Variants in CFAP299 observed in about 807,000 individuals in gnomAD.
The protein encoded by CFAP299 is cilia and flagella associated protein 299.
Under a neutral mutation model 27.0 loss-of-function variants are expected in CFAP299, and 21 were observed. The observed-to-expected ratio is 0.78, with a 90% CI of 0.55 to 1.12. The LOEUF (loss-of-function observed/expected upper bound fraction) is 1.12. Ranked by LOEUF, CFAP299 falls within the 50% of genes most tolerant of loss-of-function variation. CFAP299 has a pLI of 0.00. For synonymous variants in CFAP299, 104 were observed against 98.1 expected (o/e 1.06, Z -0.36); for missense variants, 310 against 276.6 (o/e 1.12, Z -0.86).
chr4:80,800,350 A>T (rs1284279752), intron 3 of CFAP299, among the ~76,000 whole-genome samples: 1 of 71,914 alleles, frequency 1.4e-5, no homozygotes, highest in African/African-American at 6.2e-5. Flanking sequence ...AATATATAAT[A>T]TATATGATAT....
At chr4:80,809,209 T>G (rs1446675560) in intron 3 of CFAP299, among the ~76,000 whole-genome samples, 2 of 152,168 alleles carry the variant, frequency 1.3e-5, no homozygotes, top group African/African-American at 4.8e-5. Context: ...TGCAGGCTAC[T>G]CCTACTTTAC....
At chr4:80,559,440 C>T (rs1192532715) in intron 2 of CFAP299, among the ~76,000 whole-genome samples, 1 of 152,126 alleles carries the variant, frequency 6.6e-6, no homozygotes, top group East Asian at 1.9e-4. Flanking sequence ...TAAGGCTTCA[C>T]CCATAGTCTC....
At chr4:80,441,196 T>A (rs917244426) in intron 2 of CFAP299, among the ~76,000 whole-genome samples, 1 of 152,084 alleles carries the variant, frequency 6.6e-6, no homozygotes, top group Non-Finnish European at 1.5e-5. Flanking sequence ...ATTTAGGAAA[T>A]ACAGAGAACA....
intron 4 of CFAP299, among the ~76,000 whole-genome samples, chr4:80,924,538 G>GTGTATGTATATA (rs5859742): frequency 3.3e-4 from 44 of 131,688 alleles, no homozygotes; most frequent in Middle Eastern, 3.9e-3. Context: ...GTGTGTGTGT[G>GTGTATGTATATA]TATATATATA....
chr4:80,327,109 G>T, the CFAP299 span, among the ~76,000 whole-genome samples: 1 of 152,074 alleles, frequency 6.6e-6, no homozygotes, highest in African/African-American at 2.4e-5. Flanking sequence ...TGACGCAGTG[G>T]ATCATATAAA....
intron 3 of CFAP299, among the ~76,000 whole-genome samples, chr4:80,793,099 A>ATGTGTGTGTGTGTGTGTG: frequency 6.9e-6 from 1 of 145,236 alleles, no homozygotes; most frequent in African/African-American, 2.5e-5. Flanking sequence ...CCTATTAGTT[A>ATGTGTGTGTGTGTGTGTG]TGTGTGTGTG....
At chr4:80,480,744 A>G (rs867926105) in intron 2 of CFAP299, among the ~76,000 whole-genome samples, 1 of 152,044 alleles carries the variant, frequency 6.6e-6, no homozygotes. Context: ...ATAAATTTTC[A>G]ATGTTAGTAT....
At chr4:80,489,686 G>T (rs1279962752) in intron 2 of CFAP299, among the ~76,000 whole-genome samples, 1 of 152,098 alleles carries the variant, frequency 6.6e-6, no homozygotes, top group Admixed American at 6.5e-5. Context: ...ATAGGTTAGT[G>T]CTTTTGTGTA....
intron 3 of CFAP299, among the ~76,000 whole-genome samples, chr4:80,775,072 A>G (rs1009053164): frequency 1.0e-3 from 118 of 113,172 alleles, no homozygotes; most frequent in African/African-American, 4.7e-3. Context: ...ATAAAAAAAT[A>G]AAAAAAAAAG....
chr4:80,673,105 G>A (rs1358510666), intron 3 of CFAP299, among the ~76,000 whole-genome samples: 1 of 152,064 alleles, frequency 6.6e-6, no homozygotes, highest in African/African-American at 2.4e-5. Context: ...TGATATTAGG[G>A]TGTCGATTTT....
intron 2 of CFAP299, among the ~76,000 whole-genome samples, chr4:80,581,239 A>G (rs1227714780): frequency 6.6e-6 from 1 of 151,594 alleles, no homozygotes; most frequent in African/African-American, 2.4e-5. Flanking sequence ...TTTCTAAACA[A>G]GCAACTGACA....
At chr4:80,514,656 C>A (rs547371881) in intron 2 of CFAP299, among the ~76,000 whole-genome samples, 2 of 152,158 alleles carry the variant, frequency 1.3e-5, no homozygotes, top group South Asian at 4.2e-4. Context: ...ACTAACACAT[C>A]TTTGTTTACC....
At chr4:80,413,111 C>T (rs1030136064) in intron 2 of CFAP299, among the ~76,000 whole-genome samples, 3 of 150,782 alleles carry the variant, frequency 2.0e-5, no homozygotes, top group Admixed American at 6.6e-5. Context: ...TGTTTGTATC[C>T]CAAAGCCACC....
intron 2 of CFAP299, among the ~76,000 whole-genome samples, chr4:80,385,964 T>G (rs1010022704): frequency 1.3e-5 from 2 of 152,206 alleles, no homozygotes; most frequent in African/African-American, 4.8e-5. Context: ...TGGGCGGCCC[T>G]GCCCCTGTCC....
At chr4:80,684,283 GGGA>G in intron 3 of CFAP299, among the ~76,000 whole-genome samples, 1 of 151,394 alleles carries the variant, frequency 6.6e-6, no homozygotes, top group Non-Finnish European at 1.5e-5. Context: ...TTGGGGGGGG[GGGA>G]CGGAGCCTCA....
chr4:80,921,014 GT>G (rs1736015958), intron 4 of CFAP299, among the ~76,000 whole-genome samples: 1 of 152,000 alleles, frequency 6.6e-6, no homozygotes. Flanking sequence ...ATGCATGTTT[GT>G]TGCCTTCTAG....
chr4:80,771,557 G>T (rs1726218577), intron 3 of CFAP299, among the ~76,000 whole-genome samples: 1 of 152,030 alleles, frequency 6.6e-6, no homozygotes, highest in African/African-American at 2.4e-5. Flanking sequence ...ATAATAAATG[G>T]TAAAGTTCCA....
intron 1 of CFAP299, among the ~76,000 whole-genome samples, chr4:80,360,760 A>G (rs1251489262): frequency 2.6e-5 from 4 of 152,284 alleles, no homozygotes; most frequent in Non-Finnish European, 4.4e-5. Context: ...TTTCCAGTGG[A>G]CCTGTAGATT....
Position 80,705,519 on chromosome 4 carries a change from G to A in CFAP299, c.333+122336G>A, listed in dbSNP as rs141198723. Among the ~76,000 whole-genome samples the A allele has an allele frequency of 6.5e-3, 988 of 151,904 alleles. 16 individuals are homozygous for A. The highest frequency in any genetic ancestry group is 0.023 in the African/African-American group (943 of 41,496). On this transcript the variant is annotated intron_variant, in intron 3 of 5. Transcript: ENST00000358105. ...TTGTAAGAGAAACTTTAATCTTGTC[G>A]TGTGTCCAAGAAAAGAGGAAAAGGA... is the stretch of plus-strand genomic sequence containing the variant.
Sources: allele counts gnomAD v4.1 joint callset (sites outside exome capture counted in the v4.1 genomes callset), GRCh38; gene constraint gnomAD v4.1.1; transcripts MANE v1.5; gene names NCBI Gene and HGNC (gene_info 2026-07-23, HGNC 2026-07-21).